The following PLAGL1 variants were observed in gnomAD, a reference collection of about 807,000 sequenced individuals.
The protein encoded by PLAGL1 is PLAG1 like zinc finger 1.
A neutral mutation model predicts 4.6 loss-of-function variants in PLAGL1; 1 was observed. The ratio of observed to expected loss-of-function variants is 0.22; its 90% CI spans 0.08 to 1.03. The LOEUF (loss-of-function observed/expected upper bound fraction) is 1.03. Ranked by LOEUF, PLAGL1 falls within the 50% of genes least tolerant of loss-of-function variation. The probability of loss-of-function intolerance (pLI) is 0.58; values close to 1 mark genes in which losing one functional copy is unlikely to be tolerated. For synonymous variants in PLAGL1, 240 were observed against 237.8 expected (o/e 1.01, Z -0.08); for missense variants, 464 against 570.4 (o/e 0.81, Z 1.90).
chr6:143,941,905 T>C lies in PLAGL1; in HGVS notation c.911A>G (p.Asn304Ser), dbSNP rs147054773. ...PPPPLPNHKY[N>S]TTSTSYSPLA... ...TGGGGAGTATGAGGTAGAAGTGGTG[T>C]TGTACTTGTGATTGGGAAGGGGTGG... is the stretch of plus-strand genomic sequence containing the variant. Residue 304 changes from asparagine (N) to serine (S), a missense_variant, in exon 8 of 8, where the codon AAC becomes AGC. Transcript: ENST00000674357. This position sits in a 1 kb window ranked among gnomAD's most constrained non-coding sequence, Gnocchi z 6.0. 6.2e-7 allele frequency: 1 copy of C among 1,612,858 alleles called. No individual in the cohort carries two copies. The highest frequency in any genetic ancestry group is 8.5e-7 in the Non-Finnish European group (1 of 1,179,382).
chr6:143,947,903 C>A lies in PLAGL1; in HGVS notation c.152+82G>T. The A allele has an allele frequency of 8.7e-7, 1 of 1,145,674 alleles. No individual in the cohort carries two copies. Among genetic ancestry groups the A allele is most frequent in the South Asian group, 1.4e-5 (1 of 71,552 alleles). 71.0% of individuals were successfully genotyped at this position (1,145,674 alleles called of 1,614,324 possible). ...TGCATCCATATCCTGTGTCCCTTTC[C>A]CCTTGCATCGTGTGGTCTGAGGGCT... On this transcript the variant is annotated intron_variant, in intron 7 of 7. Coordinates refer to ENST00000674357, the MANE Select transcript of PLAGL1 (RefSeq NM_001317162.2). The surrounding 1 kb of genome is among the most constrained non-coding windows in gnomAD (Gnocchi z 4.3).
rs983002758 is a variant in PLAGL1 at position 143,947,044 on chromosome 6, T to C, written c.152+941A>G. On this transcript the variant is annotated intron_variant, in intron 7 of 7. Transcript: ENST00000674357. The surrounding 1 kb of genome is among the most constrained non-coding windows in gnomAD (Gnocchi z 4.3). ...CATTTCCCTCATGGAAGTAGGTACC[T>C]AACAGGCACTCAATAAATAACTTAG... is the stretch of plus-strand genomic sequence containing the variant. Among the ~76,000 whole-genome samples the C allele has an allele frequency of 2.6e-5, 4 of 152,246 alleles. No homozygotes were observed. The highest frequency in any genetic ancestry group is 9.6e-5 in the African/African-American group (4 of 41,466).
chr6:143,951,736 T>G lies in PLAGL1; in HGVS notation c.-324-3276A>C, dbSNP rs115706676. Among the ~76,000 whole-genome samples, 518 of 152,294 alleles carry G rather than the reference T, an allele frequency of 3.4e-3. 3 individuals carry two copies. The highest frequency in any genetic ancestry group is 0.012 in the African/African-American group (498 of 41,558). Reference sequence around the variant, plus strand: ...AAGGTGAGGCACATTTCCTCCAACTTCAAGTTTCCCTCAAAGACTAAAACA... The same window carrying G: ...AAGGTGAGGCACATTTCCTCCAACTGCAAGTTTCCCTCAAAGACTAAAACA... On this transcript the variant is annotated intron_variant, in intron 6 of 7. Coordinates refer to ENST00000674357, the MANE Select transcript of PLAGL1 (RefSeq NM_001317162.2).
chr6:144,010,988 T>A (rs1795138595), upstream of PLAGL1, among the ~76,000 whole-genome samples: 1 of 152,134 alleles, frequency 6.6e-6, no homozygotes, highest in South Asian at 2.1e-4. The surrounding 1 kb of genome is among the most constrained non-coding windows in gnomAD (Gnocchi z 4.1). Flanking sequence ...ACATCAGACC[T>A]AAAACCATAA....
rs1350952084 is a variant in PLAGL1, at chr6:144,055,858, C to T, written c.-151+8610G>A. 3.3e-5 allele frequency among the ~76,000 whole-genome samples: 5 copies of T among 152,198 alleles called. No individual in the cohort carries two copies. Among genetic ancestry groups the T allele is most frequent in the East Asian group, 1.9e-4 (1 of 5,200 alleles). Reference sequence around the variant, plus strand: ...TGTCTTTCTTTGGGTACTACATTCACACACACAGAGAGATTCATGTTCCAC... The same window carrying T: ...TGTCTTTCTTTGGGTACTACATTCATACACACAGAGAGATTCATGTTCCAC... On this transcript the variant is annotated intron_variant, in intron 1 of 3. Transcript: ENST00000437412. This position sits in a 1 kb window ranked among gnomAD's most constrained non-coding sequence, Gnocchi z 5.0.
chr6:144,063,674 C>T lies in PLAGL1; in HGVS notation c.-151+794G>A, dbSNP rs1799606965. On this transcript the variant is annotated intron_variant, in intron 1 of 3. Coordinates refer to the PLAGL1 transcript ENST00000437412. The surrounding 1 kb of genome is among the most constrained non-coding windows in gnomAD (Gnocchi z 5.7). Reference sequence around the variant, plus strand: ...GGCTTTTTCAATAAAATGAACAGGTCCCGCGCTCCTAGACCCATGAACACT... The same window carrying T: ...GGCTTTTTCAATAAAATGAACAGGTTCCGCGCTCCTAGACCCATGAACACT... 1.3e-5 allele frequency among the ~76,000 whole-genome samples: 2 copies of T among 152,318 alleles called. No individual in the cohort carries two copies. Among genetic ancestry groups the T allele is most frequent in the East Asian group, 1.9e-4 (1 of 5,182 alleles).
At position 143,982,210 on chromosome 6, in the gene PLAGL1, T is replaced by A. The variant is rs956133693; in HGVS notation, c.-544+2925A>T. On this transcript the variant is annotated intron_variant, in intron 2 of 7. Transcript: ENST00000674357. This position sits in a 1 kb window ranked among gnomAD's most constrained non-coding sequence, Gnocchi z 5.3. ...CAGGAAGTGCTAAGAGATTTAGCAGTGAAAACAGTGTCAATTTAAAACAGG... is the reference window on the plus strand; with the variant it reads ...CAGGAAGTGCTAAGAGATTTAGCAGAGAAAACAGTGTCAATTTAAAACAGG... Among the ~76,000 whole-genome samples the A allele has an allele frequency of 6.6e-6, 1 of 151,556 alleles. No individual in the cohort carries two copies. The highest frequency in any genetic ancestry group is 1.9e-4 in the East Asian group (1 of 5,178).
Position 143,985,521 on chromosome 6 carries a change from CA to C in PLAGL1, c.-583-348del, listed in dbSNP as rs1788813067. On this transcript the variant is annotated intron_variant, in intron 1 of 7. Transcript: ENST00000674357. This position sits in a 1 kb window ranked among gnomAD's most constrained non-coding sequence, Gnocchi z 4.4. Reference sequence around the variant, plus strand: ...TACAATCACACACCACCTCCTTTGCCAAAATCTCTTTCTGCCCCTGACCCAT... The same window carrying C: ...TACAATCACACACCACCTCCTTTGCCAAATCTCTTTCTGCCCCTGACCCAT... 6.6e-6 allele frequency among the ~76,000 whole-genome samples: 1 copy of C among 152,112 alleles called. No individual in the cohort carries two copies. Among genetic ancestry groups the C allele is most frequent in the African/African-American group, 2.4e-5 (1 of 41,426 alleles).
chr6:144,013,397 G>A (rs1002933109), upstream of PLAGL1, among the ~76,000 whole-genome samples: 1 of 152,130 alleles, frequency 6.6e-6, no homozygotes, highest in Admixed American at 6.5e-5. The surrounding 1 kb of genome is among the most constrained non-coding windows in gnomAD (Gnocchi z 4.4). Flanking sequence ...TGCAAAAAGA[G>A]CATTTGACAA....
chr6:144,019,747 A>C (rs1348793214), intron 1 of PLAGL1, among the ~76,000 whole-genome samples: 1 of 150,734 alleles, frequency 6.6e-6, no homozygotes, highest in Non-Finnish European at 1.5e-5. Context: ...CTGTTCTTCC[A>C]GCTTTTTGTT....
chr6:143,960,947 C>A lies in PLAGL1; in HGVS notation c.-398-405G>T, dbSNP rs539934700. 3.3e-5 allele frequency: 5 copies of A among 152,266 alleles called. No homozygotes were observed. In the South Asian group the frequency reaches 1.0e-3, roughly 32 times the overall value. The allele number at this position is 152,266 out of a possible 1,614,324, so 9.4% of individuals were successfully genotyped here. A position where few individuals can be genotyped will look rare whatever the true frequency, so the allele number is the denominator to read the frequency against. ...GAATTGAAAGAAAGTCAGCAAATAA[C>A]CAGTTGGCACTCAACAAAGGAGATT... On this transcript the variant is annotated intron_variant, in intron 5 of 7. Coordinates refer to ENST00000674357, the MANE Select transcript of PLAGL1 (RefSeq NM_001317162.2). The surrounding 1 kb of genome is among the most constrained non-coding windows in gnomAD (Gnocchi z 5.7).
At chr6:144,060,816 G>A (rs1433794535) in intron 1 of PLAGL1, among the ~76,000 whole-genome samples, 1 of 152,170 alleles carries the variant, frequency 6.6e-6, no homozygotes, top group African/African-American at 2.4e-5. Context: ...TCAGACCTAT[G>A]TGAAAGGATA....
In PLAGL1 at chr6:143,973,194, G is replaced by A. The variant is rs540768392; in HGVS notation, c.-543-4216C>T. ...CCATTCATTCCTTCAGGAAAACAGG[G>A]CATTGATTTCAGCGAGTTCCCAGGG... On this transcript the variant is annotated intron_variant, in intron 2 of 7. Transcript: ENST00000674357. The surrounding 1 kb of genome is among the most constrained non-coding windows in gnomAD (Gnocchi z 6.2). 3.3e-5 allele frequency among the ~76,000 whole-genome samples: 5 copies of A among 152,292 alleles called. No homozygotes were observed. The highest frequency in any genetic ancestry group is 1.2e-4 in the African/African-American group (5 of 41,556).
chr6:144,040,981 G>C (rs1479806367), intron 1 of PLAGL1, among the ~76,000 whole-genome samples: 1 of 152,216 alleles, frequency 6.6e-6, no homozygotes, highest in Non-Finnish European at 1.5e-5. Context: ...GGGAAAAAGA[G>C]AGAATATAGT....
Position 143,940,621 on chromosome 6 carries a change from A to T in PLAGL1, c.*803T>A, listed in dbSNP as rs1348413693. 1 of 152,450 alleles carries T rather than the reference A, an allele frequency of 6.6e-6. No individual in the cohort carries two copies. Among genetic ancestry groups the T allele is most frequent in the East Asian group, 1.9e-4 (1 of 5,202 alleles). The allele number at this position is 152,450 out of a possible 1,614,324, so 9.4% of individuals were successfully genotyped here. A position where few individuals can be genotyped will look rare whatever the true frequency, so the allele number is the denominator to read the frequency against. On this transcript the variant is annotated 3_prime_UTR_variant, in exon 8 of 8. Coordinates refer to ENST00000674357, the MANE Select transcript of PLAGL1 (RefSeq NM_001317162.2). ...TTAATATATATATATTTTTAATTCC[A>T]GTAATATTTTCTTAAATTCCTGTTA... is the stretch of plus-strand genomic sequence containing the variant.
Position 143,945,444 on chromosome 6 carries a change from C to T in PLAGL1, c.152+2541G>A, listed in dbSNP as rs1779542161. ...ACCCACATTCTGTTTTCTGGTTAAG[C>T]AAGTCAGTTATTTTTTCCTTCAACC... On this transcript the variant is annotated intron_variant, in intron 7 of 7. Transcript: ENST00000674357. This position sits in a 1 kb window ranked among gnomAD's most constrained non-coding sequence, Gnocchi z 4.2. 6.6e-6 allele frequency among the ~76,000 whole-genome samples: 1 copy of T among 152,134 alleles called. No individual in the cohort carries two copies. Among genetic ancestry groups the T allele is most frequent in the African/African-American group, 2.4e-5 (1 of 41,418 alleles).
At chr6:144,037,446 G>A (rs1201249386) in intron 1 of PLAGL1, among the ~76,000 whole-genome samples, 1 of 150,704 alleles carries the variant, frequency 6.6e-6, no homozygotes. Flanking sequence ...AAAATAGCTG[G>A]GTGTGACAGT....
Position 144,016,939 on chromosome 6 carries a change from C to A in PLAGL1, c.-151+47529G>T, listed in dbSNP as rs1795604555. 6.6e-6 allele frequency among the ~76,000 whole-genome samples: 1 copy of A among 152,038 alleles called. No homozygotes were observed. Among genetic ancestry groups the A allele is most frequent in the Admixed American group, 6.6e-5 (1 of 15,266 alleles). ...GTGCATTATCAGTCTGTTTTCTAAC[C>A]TGTGAGGGTGTCAGTGGCAGAGGTG... is the stretch of plus-strand genomic sequence containing the variant. On this transcript the variant is annotated intron_variant, in intron 1 of 3. Transcript: ENST00000437412. The surrounding 1 kb of genome is among the most constrained non-coding windows in gnomAD (Gnocchi z 4.2).
In PLAGL1 at chr6:143,997,458, A is replaced by G. The variant is rs1791890072; in HGVS notation, c.-584+10632T>C. ...AGAAAAAATACAAAAAGAACTACCT[A>G]TTGATAGATGCATCAACACAGATGA... On this transcript the variant is annotated intron_variant, in intron 1 of 7. Coordinates refer to ENST00000674357, the MANE Select transcript of PLAGL1 (RefSeq NM_001317162.2). The surrounding 1 kb of genome is among the most constrained non-coding windows in gnomAD (Gnocchi z 4.6). 6.6e-6 allele frequency among the ~76,000 whole-genome samples: 1 copy of G among 152,222 alleles called. No individual in the cohort carries two copies.
Sources: allele counts gnomAD v4.1 joint callset (sites outside exome capture counted in the v4.1 genomes callset), GRCh38; gene constraint gnomAD v4.1.1; non-coding constraint Gnocchi (gnomAD v3.1); transcripts MANE v1.5; gene names NCBI Gene and HGNC (gene_info 2026-07-23, HGNC 2026-07-21).